FAM47E: variants seen among roughly 807,000 people sequenced by gnomAD.
FAM47E encodes the protein protein FAM47E.
A neutral mutation model predicts 41.6 loss-of-function variants in FAM47E; 32 were observed. The ratio of observed to expected loss-of-function variants is 0.77; its 90% CI spans 0.58 to 1.03. FAM47E has a LOEUF of 1.03. FAM47E is among the 50% of genes least tolerant of loss of function. The pLI is 0.00. For missense variants in FAM47E, 424 were observed against 485.4 expected, an observed-to-expected ratio of 0.87 and a Z score of 1.19; for synonymous variants, 184 against 188.7, an observed-to-expected ratio of 0.98 and a Z score of 0.20.
At chr4:76,270,356 T>G (rs549946215) in intron 4 of FAM47E, among the ~76,000 whole-genome samples, 7 of 152,280 alleles carry the variant, frequency 4.6e-5, no homozygotes, top group Middle Eastern at 3.4e-3. Flanking sequence ...TTTGCTTGAA[T>G]TAACCATTAT....
chr4:76,275,279 T>A (rs1735049157), intron 5 of FAM47E, among the ~76,000 whole-genome samples: 1 of 152,174 alleles, frequency 6.6e-6, no homozygotes, highest in Non-Finnish European at 1.5e-5. Flanking sequence ...CTCCTCTCCA[T>A]GTCCATAGGT....
At chr4:76,283,179 CTGAG>C in intron 7 of FAM47E, 198 bp from the exon 8 acceptor site, 1 of 419,106 alleles carries the variant, frequency 2.4e-6, no homozygotes, top group East Asian at 3.9e-5. Flanking sequence ...TGAATTCCAT[CTGAG>C]TGTTTCTGAT....
chr4:76,272,012 T>C (rs993335448), intron 5 of FAM47E, among the ~76,000 whole-genome samples: 5 of 152,210 alleles, frequency 3.3e-5, no homozygotes, highest in African/African-American at 1.2e-4. Flanking sequence ...CAGAGATAAT[T>C]TGTTAGGTGT....
intron 5 of FAM47E, among the ~76,000 whole-genome samples, chr4:76,272,062 T>A (rs1267346662): frequency 6.6e-6 from 1 of 152,242 alleles, no homozygotes; most frequent in Non-Finnish European, 1.5e-5. Context: ...GAAATATACA[T>A]GAATGGTTAT....
chr4:76,235,299 T>C lies in FAM47E; in HGVS notation c.81+17611T>C, dbSNP rs111815620. ...CACCGCTGCACTCCAGCCTGGACGA[T>C]AGAGCGAGACTCCGTCTCAAAAAAT... On this transcript the variant is annotated intron_variant, in intron 2 of 7. Coordinates refer to the FAM47E transcript ENST00000510197. Among the ~76,000 whole-genome samples, 1,452 of 152,192 alleles carry C rather than the reference T, an allele frequency of 9.5e-3. 25 individuals carry two copies. The highest frequency in any genetic ancestry group is 0.033 in the African/African-American group (1,375 of 41,538).
chr4:76,271,580 A>G lies in FAM47E; in HGVS notation c.682A>G (p.Ile228Val), dbSNP rs1244735463. ...GATATTCTTCCAGGGAATTTCGGAC[A>G]TCGATGAAGAGTTCATCTTGAAACA... is the stretch of plus-strand genomic sequence containing the variant. ...PGLHENGISD[I>V]DEEFILKQFD... Residue 228 changes from isoleucine (I) to valine (V), a missense_variant, in exon 5 of 8, where the codon ATC (isoleucine) becomes GTC (valine). Ile to Val is a conservative substitution (Grantham distance 29). Coordinates refer to ENST00000424749, the MANE Select transcript of FAM47E (RefSeq NM_001136570.3). 1.3e-6 allele frequency: 2 copies of G among 1,552,148 alleles called. No homozygotes were observed. Among genetic ancestry groups the G allele is most frequent in the Admixed American group, 3.9e-5 (2 of 51,014 alleles).
intron 2 of FAM47E, among the ~76,000 whole-genome samples, chr4:76,240,579 AT>A (rs1003962233): frequency 3.3e-5 from 5 of 151,718 alleles, no homozygotes; most frequent in South Asian, 4.2e-4. Flanking sequence ...GTTTTCTTCA[AT>A]TTTTTTCTTT....
chr4:76,278,438 A>G, intron 6 of FAM47E: 2 of 467,230 alleles, frequency 4.3e-6, no homozygotes, highest in Admixed American at 4.0e-5. Context: ...GGTAGACATG[A>G]CATCTCTAAA....
intron 6 of FAM47E, chr4:76,279,128 A>T (rs982928029): frequency 6.6e-6 from 1 of 152,194 alleles, no homozygotes; most frequent in Non-Finnish European, 1.5e-5. Flanking sequence ...TATGATACAA[A>T]TTTATGAGCA....
At chr4:76,248,435 T>G (rs1560738078), upstream of FAM47E, among the ~76,000 whole-genome samples, 1 of 152,134 alleles carries the variant, frequency 6.6e-6, no homozygotes, top group Non-Finnish European at 1.5e-5. Context: ...AGTTGATTTT[T>G]GTATACAGTA....
chr4:76,217,435 A>C (rs1733227378), intron 1 of FAM47E: 9 of 399,716 alleles, frequency 2.3e-5, no homozygotes. Context: ...GAGATTGTTC[A>C]TGAATAGATT....
At chr4:76,219,533 C>T (rs566150458) in intron 2 of FAM47E, among the ~76,000 whole-genome samples, 1 of 152,182 alleles carries the variant, frequency 6.6e-6, no homozygotes, top group Non-Finnish European at 1.5e-5. Flanking sequence ...CACGAGAGGT[C>T]ACAGTTATTC....
chr4:76,235,399 C>T lies in FAM47E; in HGVS notation c.81+17711C>T, dbSNP rs540835005. 2.6e-5 allele frequency among the ~76,000 whole-genome samples: 4 copies of T among 152,166 alleles called. No homozygotes were observed. In the South Asian group the frequency reaches 8.3e-4, roughly 32 times the overall value. ...AAAATATAATTCTAAGCTACCTGTC[C>T]TCACTAAAATTAAGGTGGGGATTAG... is the stretch of plus-strand genomic sequence containing the variant. On this transcript the variant is annotated intron_variant, in intron 2 of 7. Transcript: ENST00000510197.
intron 2 of FAM47E, among the ~76,000 whole-genome samples, chr4:76,224,246 C>T (rs1348205): frequency 0.039 from 5,883 of 152,242 alleles, 334 homozygotes; most frequent in African/African-American, 0.12. Flanking sequence ...CCGAAATTCA[C>T]GGGATAATTG....
At chr4:76,240,264 A>T (rs1251875714) in intron 2 of FAM47E, among the ~76,000 whole-genome samples, 2 of 152,232 alleles carry the variant, frequency 1.3e-5, no homozygotes, top group Non-Finnish European at 2.9e-5. Flanking sequence ...AGAAATCTGC[A>T]GATAATCTTA....
At position 76,240,835 on chromosome 4, in the gene FAM47E, A is replaced by T. The variant is rs75779845; in HGVS notation, c.82-22869A>T. ...CTTGACATTTTCCACATCTTCCTTT[A>T]GTTCTTTGGGTAACTTTAAGACAGT... is the stretch of plus-strand genomic sequence containing the variant. On this transcript the variant is annotated intron_variant, in intron 2 of 7. Coordinates refer to the FAM47E transcript ENST00000510197. 1.8e-3 allele frequency among the ~76,000 whole-genome samples: 266 copies of T among 151,846 alleles called. 4 individuals are homozygous for T. The East Asian group carries it at 0.041, about 23-fold the overall frequency.
At chr4:76,265,215 A>C (rs1734581290) in intron 3 of FAM47E, among the ~76,000 whole-genome samples, 1 of 152,208 alleles carries the variant, frequency 6.6e-6, no homozygotes, top group African/African-American at 2.4e-5. Context: ...TGCTTGTCTC[A>C]GTTCTGCCTT....
chr4:76,251,697 G>T, upstream of FAM47E: 1 of 1,427,956 alleles, frequency 7.0e-7, no homozygotes, highest in Non-Finnish European at 9.1e-7. Context: ...GCGGCAGCAG[G>T]GCACACACAC....
At position 76,241,460 on chromosome 4, in the gene FAM47E, G is replaced by GT. The variant is rs879273086; in HGVS notation, c.82-22233dup. Among the ~76,000 whole-genome samples the GT allele has an allele frequency of 3.0e-3, 445 of 147,216 alleles. 2 individuals are homozygous for GT. Among genetic ancestry groups the GT allele is most frequent in the African/African-American group, 8.6e-3 (349 of 40,384 alleles). ...TCAGAGCCCTAATATTTGGAGGACA[G>GT]TTTTTTTTTTTCAACCTTGATTCCA... On this transcript the variant is annotated intron_variant, in intron 2 of 7. Coordinates refer to the FAM47E transcript ENST00000510197.
Sources: gnomAD v4.1 joint callset for allele counts (sites outside exome capture counted in the v4.1 genomes callset) on GRCh38, gnomAD v4.1.1 for gene constraint, MANE v1.5 for transcripts, NCBI Gene and HGNC (gene_info 2026-07-23, HGNC 2026-07-21) for gene names.